Variants in RYR2 observed in about 807,000 individuals in gnomAD.
RYR2 encodes cardiac muscle ryanodine receptor-calcium release channel.
A neutral mutation model predicts 601.1 loss-of-function variants in RYR2; 227 were observed. The ratio of observed to expected loss-of-function variants is 0.38; its 90% CI spans 0.34 to 0.42. The LOEUF (loss-of-function observed/expected upper bound fraction) is 0.42. RYR2 is among the 10% of genes least tolerant of loss of function. RYR2 has a pLI of 1.00. For missense variants in RYR2, 4,646 were observed against 6,156.5 expected (o/e 0.75, Z 8.21); for synonymous variants, 2,223 against 2,175.1 (o/e 1.02, Z -0.61).
chr1:237,700,458 G>A lies in RYR2; in HGVS notation c.9358G>A (p.Asp3120Asn). Reference sequence around the variant, plus strand: ...TATTGGCCAGCATCAGTTCGGAGAAGACCTAATATGTATGTAAATTTATAT... The same window carrying A: ...TATTGGCCAGCATCAGTTCGGAGAAAACCTAATATGTATGTAAATTTATAT... ...EHIGQHQFGE[D>N]LILEDVQVSC... The change falls in exon 65 of 105, where the codon GAC (aspartate) becomes AAC (asparagine). Residue 3120 changes from aspartate (D) to asparagine (N), a missense_variant. Transcript: ENST00000366574. 8 of 1,505,220 alleles carry A rather than the reference G, an allele frequency of 5.3e-6. No individual in the cohort carries two copies. Among genetic ancestry groups the A allele is most frequent in the Non-Finnish European group, 7.3e-6 (8 of 1,090,562 alleles). 93.2% of individuals were successfully genotyped at this position (1,505,220 alleles called of 1,614,324 possible).
At chr1:237,443,020 C>T (rs1471558696) in intron 13 of RYR2, among the ~76,000 whole-genome samples, 2 of 152,112 alleles carry the variant, frequency 1.3e-5, no homozygotes, top group South Asian at 2.1e-4. Context: ...TTCCTGTTTT[C>T]GTGCCATTTT....
chr1:237,394,907 G>A (rs924545882), intron 10 of RYR2, among the ~76,000 whole-genome samples: 1 of 152,154 alleles, frequency 6.6e-6, no homozygotes, highest in African/African-American at 2.4e-5. Flanking sequence ...TACAATCATG[G>A]CAGAAGGCGA....
At chr1:237,622,132 A>G (rs1426506122) in intron 38 of RYR2, among the ~76,000 whole-genome samples, 3 of 152,230 alleles carry the variant, frequency 2.0e-5, no homozygotes, top group Non-Finnish European at 4.4e-5. Context: ...AAAAAATCAC[A>G]TAAATGCCAA....
chr1:237,398,441 G>A (rs926010898), intron 10 of RYR2, among the ~76,000 whole-genome samples: 11 of 152,062 alleles, frequency 7.2e-5, no homozygotes, highest in Non-Finnish European at 5.9e-5. Flanking sequence ...TTAGAAAATA[G>A]GCAAAAACCA....
At chr1:237,315,660 A>T (rs1460525631) in intron 2 of RYR2, among the ~76,000 whole-genome samples, 2 of 152,220 alleles carry the variant, frequency 1.3e-5, no homozygotes, top group Admixed American at 6.5e-5. Context: ...TAGCTTATAA[A>T]GTCAGGTGGA....
Position 237,445,460 on chromosome 1 carries a change from T to G in RYR2, c.1230T>G (p.His410Gln). ...DDGISLSRSQ[H>Q]EESRTARVIR... Reference sequence around the variant, plus strand: ...GCATAAGTTTGTCGAGATCCCAGCATGAAGAATCACGCACAGCCCGAGTTA... The same window carrying G: ...GCATAAGTTTGTCGAGATCCCAGCAGGAAGAATCACGCACAGCCCGAGTTA... Residue 410 changes from histidine (H) to glutamine (Q), a missense_variant, in exon 14 of 105, where the codon CAT (histidine) becomes CAG (glutamine). Coordinates refer to ENST00000366574, the MANE Select transcript of RYR2 (RefSeq NM_001035.3). 1 of 1,613,794 alleles carries G rather than the reference T, an allele frequency of 6.2e-7. No individual in the cohort carries two copies. The highest frequency in any genetic ancestry group is 8.5e-7 in the Non-Finnish European group (1 of 1,179,742).
intron 12 of RYR2, among the ~76,000 whole-genome samples, chr1:237,440,332 A>G (rs1707794168): frequency 6.6e-6 from 1 of 152,244 alleles, no homozygotes; most frequent in Non-Finnish European, 1.5e-5. Context: ...GACCAAAGAC[A>G]TAGAAGACAC....
intron 26 of RYR2, among the ~76,000 whole-genome samples, chr1:237,549,628 C>CTT (rs57579159): frequency 0.019 from 1,477 of 77,724 alleles, 104 homozygotes; most frequent in African/African-American, 0.051. Context: ...CCATAGCTTT[C>CTT]TTTTTTTTTT....
chr1:237,407,034 T>G (rs1316027625), intron 10 of RYR2, among the ~76,000 whole-genome samples: 1 of 152,188 alleles, frequency 6.6e-6, no homozygotes, highest in African/African-American at 2.4e-5. Flanking sequence ...ATATTTATTT[T>G]ACTGTCTCCA....
chr1:237,115,429 A>T (rs1409891746), intron 1 of RYR2, among the ~76,000 whole-genome samples: 1 of 152,242 alleles, frequency 6.6e-6, no homozygotes, highest in Non-Finnish European at 1.5e-5. Flanking sequence ...GAAACCCTTA[A>T]GAACCCCAGA....
At chr1:237,166,844 C>G (rs1416264770) in intron 1 of RYR2, among the ~76,000 whole-genome samples, 1 of 152,116 alleles carries the variant, frequency 6.6e-6, no homozygotes, top group Non-Finnish European at 1.5e-5. Context: ...TCACTAGGTT[C>G]TAGGGTTTCA....
chr1:237,221,050 C>T (rs1472472700), intron 1 of RYR2, among the ~76,000 whole-genome samples: 2 of 151,940 alleles, frequency 1.3e-5, no homozygotes, highest in Non-Finnish European at 2.9e-5. Context: ...GAGCCGAGAT[C>T]GCGCCACTGC....
intron 29 of RYR2, among the ~76,000 whole-genome samples, chr1:237,584,539 T>C (rs1181638168): frequency 6.6e-6 from 1 of 151,902 alleles, no homozygotes; most frequent in Non-Finnish European, 1.5e-5. Flanking sequence ...ATGGTAGGTG[T>C]TCATTAAATA....
intron 72 of RYR2, among the ~76,000 whole-genome samples, chr1:237,717,810 T>C (rs1450505075): frequency 6.6e-6 from 1 of 152,212 alleles, no homozygotes; most frequent in Non-Finnish European, 1.5e-5. Context: ...CTCTGCAAGA[T>C]TTAAGTTCTC....
At chr1:237,453,356 T>C (rs903271859) in intron 14 of RYR2, among the ~76,000 whole-genome samples, 1 of 152,148 alleles carries the variant, frequency 6.6e-6, no homozygotes, top group Non-Finnish European at 1.5e-5. Flanking sequence ...TCCAAAATCA[T>C]TAGCAATCTT....
At chr1:237,119,701 G>A (rs1302921543) in intron 1 of RYR2, among the ~76,000 whole-genome samples, 2 of 152,174 alleles carry the variant, frequency 1.3e-5, no homozygotes, top group African/African-American at 4.8e-5. Flanking sequence ...CAGGACCACA[G>A]GAACAGTCTC....
intron 51 of RYR2, among the ~76,000 whole-genome samples, chr1:237,652,530 A>G (rs1404690391): frequency 6.6e-6 from 1 of 152,196 alleles, no homozygotes; most frequent in African/African-American, 2.4e-5. Flanking sequence ...AAGAGTCTAT[A>G]TGGAGCTGTT....
intron 25 of RYR2, among the ~76,000 whole-genome samples, chr1:237,532,031 C>A (rs991732818): frequency 6.6e-6 from 1 of 152,072 alleles, no homozygotes; most frequent in Non-Finnish European, 1.5e-5. Context: ...CTCTATCCTA[C>A]ATTATAAGTA....
rs114604390 is a variant in RYR2, at chr1:237,120,273, A to G, written c.48+77704A>G. On this transcript the variant is annotated intron_variant, in intron 1 of 104. Coordinates refer to ENST00000366574, the MANE Select transcript of RYR2 (RefSeq NM_001035.3). ...CTGATAAATGTGAGCAACTCTTCCT[A>G]CATTATTAAGCATCCCATCAAATTG... Among the ~76,000 whole-genome samples the G allele has an allele frequency of 8.7e-3, 1,322 of 152,304 alleles. 12 individuals are homozygous for G. Among genetic ancestry groups the G allele is most frequent in the Non-Finnish European group, 0.012 (809 of 68,032 alleles).
Sources: allele counts gnomAD v4.1 joint callset (sites outside exome capture counted in the v4.1 genomes callset), GRCh38; gene constraint gnomAD v4.1.1; transcripts MANE v1.5; gene names NCBI Gene and HGNC (gene_info 2026-07-23, HGNC 2026-07-21).